Variants in B3GALT1 observed in about 807,000 individuals in gnomAD.
B3GALT1 encodes the protein UDP-Gal:betaGlcNAc beta 1,3-galactosyltransferase, polypeptide 1.
In B3GALT1, 10 loss-of-function variants were observed where a neutral mutation model predicts 23.2. The ratio of observed to expected loss-of-function variants is 0.43; its 90% CI spans 0.27 to 0.73. The LOEUF is 0.73. B3GALT1 is among the 30% of genes least tolerant of loss of function. B3GALT1 has a pLI of 0.21. For synonymous variants in B3GALT1, 156 were observed against 141.5 expected (o/e 1.10, Z -0.73); for missense variants, 299 against 405.4 (o/e 0.74, Z 2.25).
chr2:167,616,619 T>C (rs984716960), intron 2 of B3GALT1, among the ~76,000 whole-genome samples: 11 of 152,086 alleles, frequency 7.2e-5, no homozygotes, highest in Non-Finnish European at 1.5e-4. Flanking sequence ...CGCTTGAACC[T>C]GGGAGGCAGA....
intron 3 of B3GALT1, among the ~76,000 whole-genome samples, chr2:167,693,112 C>A (rs2105503023): frequency 6.6e-6 from 1 of 151,778 alleles, no homozygotes; most frequent in Non-Finnish European, 1.5e-5. Context: ...TGTTGGTAAG[C>A]CAAATGAGAA....
chr2:167,827,330 A>C (rs943760906), intron 4 of B3GALT1, among the ~76,000 whole-genome samples: 8 of 152,202 alleles, frequency 5.3e-5, no homozygotes, highest in African/African-American at 1.7e-4. Context: ...TTTAGTCACA[A>C]AGAACAAAAC....
intron 2 of B3GALT1, among the ~76,000 whole-genome samples, chr2:167,522,948 T>G (rs762863681): frequency 7.9e-5 from 12 of 152,124 alleles, no homozygotes; most frequent in Non-Finnish European, 1.5e-4. Flanking sequence ...CTGTAAGTAC[T>G]TCAGAAGAAT....
chr2:167,515,388 A>C (rs1380098113), intron 2 of B3GALT1, among the ~76,000 whole-genome samples: 1 of 152,150 alleles, frequency 6.6e-6, no homozygotes, highest in Non-Finnish European at 1.5e-5. Context: ...CTTTACTTCA[A>C]ATTGTCCTCC....
intron 2 of B3GALT1, among the ~76,000 whole-genome samples, chr2:167,574,234 G>A (rs1684346242): frequency 1.3e-5 from 2 of 151,620 alleles, no homozygotes; most frequent in East Asian, 3.9e-4. Flanking sequence ...CCTTCAAAAA[G>A]GAGCAGAGAG....
chr2:167,545,583 C>T (rs1272328748), intron 2 of B3GALT1, among the ~76,000 whole-genome samples: 1 of 152,114 alleles, frequency 6.6e-6, no homozygotes, highest in Non-Finnish European at 1.5e-5. Context: ...CCCAGGAAGT[C>T]CAGCCAACTT....
intron 3 of B3GALT1, among the ~76,000 whole-genome samples, chr2:167,746,092 G>C (rs983185601): frequency 3.3e-5 from 5 of 152,070 alleles, no homozygotes; most frequent in Non-Finnish European, 7.4e-5. Context: ...TTAGAAAGTG[G>C]TAAAGTCATT....
intron 2 of B3GALT1, among the ~76,000 whole-genome samples, chr2:167,545,509 C>G (rs989523801): frequency 2.0e-5 from 3 of 152,184 alleles, no homozygotes; most frequent in African/African-American, 7.2e-5. Flanking sequence ...GTTTCAATCC[C>G]TTAGCTTGCC....
intron 1 of B3GALT1, among the ~76,000 whole-genome samples, chr2:167,336,800 T>C (rs751018221): frequency 1.3e-5 from 2 of 152,182 alleles, no homozygotes; most frequent in Non-Finnish European, 2.9e-5. Flanking sequence ...AGTTGGCCTA[T>C]AATAACTTTT....
chr2:167,429,652 C>T (rs1698678881), intron 1 of B3GALT1, among the ~76,000 whole-genome samples: 1 of 152,140 alleles, frequency 6.6e-6, no homozygotes, highest in South Asian at 2.1e-4. Flanking sequence ...ATTTAAAAAG[C>T]AAAGGCTTTG....
intron 3 of B3GALT1, among the ~76,000 whole-genome samples, chr2:167,662,841 T>G (rs964484851): frequency 6.6e-6 from 1 of 152,120 alleles, no homozygotes; most frequent in Non-Finnish European, 1.5e-5. Context: ...TCAGGAATTT[T>G]GCATCTGCTG....
intron 4 of B3GALT1, among the ~76,000 whole-genome samples, chr2:167,858,652 C>T (rs1277098893): frequency 6.6e-6 from 1 of 152,094 alleles, no homozygotes. Flanking sequence ...CTGATGACTC[C>T]AAGTCTAGAA....
chr2:167,622,916 A>G (rs2105440756), intron 2 of B3GALT1, among the ~76,000 whole-genome samples: 1 of 152,200 alleles, frequency 6.6e-6, no homozygotes, highest in Non-Finnish European at 1.5e-5. Context: ...ATGGAGTGTG[A>G]ACTGTAATCG....
intron 3 of B3GALT1, among the ~76,000 whole-genome samples, chr2:167,728,370 G>A (rs1687352670): frequency 6.6e-6 from 1 of 152,186 alleles, no homozygotes. Context: ...CTGGGTGACA[G>A]CGTGAGACTC....
intron 4 of B3GALT1, among the ~76,000 whole-genome samples, chr2:167,856,584 A>G (rs1690004066): frequency 6.6e-6 from 1 of 152,130 alleles, no homozygotes; most frequent in African/African-American, 2.4e-5. Context: ...GTGCAGTCAG[A>G]AGGAATCCAA....
At chr2:167,350,832 A>C (rs1430421191) in intron 1 of B3GALT1, among the ~76,000 whole-genome samples, 1 of 152,160 alleles carries the variant, frequency 6.6e-6, no homozygotes, top group East Asian at 1.9e-4. Flanking sequence ...CTACCACTTG[A>C]GCCTGGTATG....
At chr2:167,633,541 T>G (rs1685494263) in intron 2 of B3GALT1, among the ~76,000 whole-genome samples, 1 of 150,904 alleles carries the variant, frequency 6.6e-6, no homozygotes, top group Admixed American at 6.6e-5. Context: ...AATCCTAGTC[T>G]CTCATAAAAC....
chr2:167,704,178 C>A (rs1686935232), intron 3 of B3GALT1, among the ~76,000 whole-genome samples: 2 of 54,994 alleles, frequency 3.6e-5, no homozygotes, highest in East Asian at 4.3e-4. Context: ...GAAACTCAGT[C>A]TCAACAAAAA....
At chr2:167,662,125 G>A (rs1574196925) in intron 3 of B3GALT1, among the ~76,000 whole-genome samples, 1 of 148,478 alleles carries the variant, frequency 6.7e-6, no homozygotes, top group South Asian at 2.1e-4. Context: ...TTACAACAAA[G>A]AGAAACAACA....
Sources: allele counts gnomAD v4.1 joint callset (sites outside exome capture counted in the v4.1 genomes callset), GRCh38; gene constraint gnomAD v4.1.1; transcripts MANE v1.5; gene names NCBI Gene and HGNC (gene_info 2026-07-23, HGNC 2026-07-21).